The following ITCH variants were observed in gnomAD, a reference collection of about 807,000 sequenced individuals.
The protein encoded by ITCH is itchy E3 ubiquitin protein ligase.
ITCH carries 28 observed loss-of-function variants against 126.8 expected under a neutral mutation model. That is an observed-to-expected ratio of 0.22 (90% CI 0.16 to 0.30). ITCH has a LOEUF of 0.30. Among genes scored for constraint, ITCH ranks in the 10% least tolerant of loss-of-function variants. ITCH has a pLI of 1.00. For synonymous variants in ITCH, 342 were observed against 340.0 expected, an observed-to-expected ratio of 1.01 and a Z score of -0.06; for missense variants, 631 against 1,032.4, an observed-to-expected ratio of 0.61 and a Z score of 5.33.
In ITCH at chr20:34,476,423, C is replaced by G. The variant is rs944452678; in HGVS notation, c.1570-1349C>G. 7 of 1,235,994 alleles carry G rather than the reference C, an allele frequency of 5.7e-6. 1 individual carries two copies. Among genetic ancestry groups the G allele is most frequent in the Non-Finnish European group, 7.0e-6 (7 of 993,208 alleles). The allele number at this position is 1,235,994 out of a possible 1,614,324, so 76.6% of individuals were successfully genotyped here. A position where few individuals can be genotyped will look rare whatever the true frequency, so the allele number is the denominator to read the frequency against. The stretch of plus-strand genomic sequence containing the variant: ...TGCAGCCACCGGCCGGCCGGGTCGC[C>G]GAGGACCGCAGAAGCGGCGCGCAGC... On this transcript the variant is annotated intron_variant, in intron 16 of 24. Coordinates refer to ENST00000374864, the MANE Select transcript of ITCH (RefSeq NM_031483.7).
At chr20:34,372,116 C>A (rs1190982483) in intron 2 of ITCH, among the ~76,000 whole-genome samples, 1 of 151,714 alleles carries the variant, frequency 6.6e-6, no homozygotes, top group Admixed American at 6.6e-5. Flanking sequence ...ACCATCCTGA[C>A]TAACATGGTG....
chr20:34,457,412 C>T lies in ITCH; in HGVS notation c.1233C>T (p.Gly411=), dbSNP rs547183169. The T allele has an allele frequency of 2.5e-6, 4 of 1,613,626 alleles. No individual in the cohort carries two copies. The highest frequency in any genetic ancestry group is 1.7e-5 in the Admixed American group (1 of 60,012). ...PGWEKRTDSN[G]RVYFVNHNTR... ...AAGAGAAGAGAACAGACAGCAATGG[C>T]AGAGTATATTTCGTCAACCACAACA... Residue 411 remains glycine, a synonymous_variant, in exon 13 of 25, where the codon GGC becomes GGT. Coordinates refer to ENST00000374864, the MANE Select transcript of ITCH (RefSeq NM_031483.7).
At chr20:34,494,247 G>A (rs1316091607) in intron 23 of ITCH, among the ~76,000 whole-genome samples, 1 of 152,082 alleles carries the variant, frequency 6.6e-6, no homozygotes, top group African/African-American at 2.4e-5. Context: ...AAGAAAAGAT[G>A]GAATTAGTCT....
At chr20:34,475,824 C>T in intron 16 of ITCH, 1 of 706,594 alleles carries the variant, frequency 1.4e-6, no homozygotes, top group East Asian at 2.7e-5. Flanking sequence ...TAAAGCTAGT[C>T]ATAATACAGA....
intron 7 of ITCH, among the ~76,000 whole-genome samples, chr20:34,429,798 T>C (rs1320928707): frequency 1.6e-5 from 2 of 124,646 alleles, no homozygotes; most frequent in Non-Finnish European, 3.7e-5. Context: ...TACGATTGTT[T>C]TAAAAGATGT....
chr20:34,458,260 CTGT>C (rs912596625), intron 13 of ITCH, among the ~76,000 whole-genome samples: 6 of 152,208 alleles, frequency 3.9e-5, no homozygotes, highest in East Asian at 3.9e-4. Flanking sequence ...AAAAAATATT[CTGT>C]TGTTGTTGCA....
At chr20:34,417,276 T>C (rs755987586) in intron 6 of ITCH, 14 of 498,286 alleles carry the variant, frequency 2.8e-5, no homozygotes, top group South Asian at 2.3e-4. Context: ...TTGTATTTTT[T>C]AGTAGAGACA....
At chr20:34,488,389 G>T (rs528191421) in intron 20 of ITCH, among the ~76,000 whole-genome samples, 5 of 152,018 alleles carry the variant, frequency 3.3e-5, no homozygotes, top group Non-Finnish European at 4.4e-5. Flanking sequence ...TCCTCATGTC[G>T]TAGAGACAAA....
intron 14 of ITCH, among the ~76,000 whole-genome samples, chr20:34,464,426 A>G (rs1052105950): frequency 3.3e-5 from 5 of 150,546 alleles, no homozygotes; most frequent in South Asian, 4.2e-4. Context: ...TCCTGGGTTC[A>G]AGCTATTCTC....
intron 8 of ITCH, among the ~76,000 whole-genome samples, chr20:34,438,846 A>G (rs948202603): frequency 6.6e-6 from 1 of 152,228 alleles, no homozygotes; most frequent in Admixed American, 6.5e-5. Flanking sequence ...TCTACTGAGA[A>G]TGAAAATGAC....
intron 13 of ITCH, among the ~76,000 whole-genome samples, chr20:34,461,362 G>A (rs2146370821): frequency 6.6e-6 from 1 of 152,272 alleles, no homozygotes; most frequent in Non-Finnish European, 1.5e-5. Flanking sequence ...ATCAGTATAA[G>A]AGCAGGCCTA....
intron 13 of ITCH, among the ~76,000 whole-genome samples, 200 bp downstream of exon 13, chr20:34,457,674 T>G (rs995101632): frequency 6.6e-6 from 1 of 152,082 alleles, no homozygotes; most frequent in Admixed American, 6.5e-5. Context: ...GAAAAAACTT[T>G]AACTGGGCAT....
rs140391821 is a variant in ITCH at position 34,460,788 on chromosome 20, A to G, written c.1296-1305A>G. Among the ~76,000 whole-genome samples, 801 of 152,234 alleles carry G rather than the reference A, an allele frequency of 5.3e-3. 8 individuals are homozygous for G. The highest frequency in any genetic ancestry group is 0.018 in the African/African-American group (756 of 41,522). ...GTAATCCCAGTGCTTTGAGAGGCCAAAATAGGAGGATCACTTCCGGTCAGG... is the reference window on the plus strand; with the variant it reads ...GTAATCCCAGTGCTTTGAGAGGCCAGAATAGGAGGATCACTTCCGGTCAGG... On this transcript the variant is annotated intron_variant, in intron 13 of 24. Transcript: ENST00000374864.
chr20:34,449,339 A>G, intron 11 of ITCH, 72 bp from the exon 12 acceptor site: 1 of 882,398 alleles, frequency 1.1e-6, no homozygotes, highest in South Asian at 1.4e-5. Context: ...AAGGGAAATC[A>G]GAACTCATAA....
At chr20:34,461,793 G>A (rs1360486980) in intron 13 of ITCH, among the ~76,000 whole-genome samples, 1 of 151,378 alleles carries the variant, frequency 6.6e-6, no homozygotes, top group Non-Finnish European at 1.5e-5. Context: ...AGAGATGAAC[G>A]TGAAGATTTC....
intron 2 of ITCH, among the ~76,000 whole-genome samples, chr20:34,381,900 ACACT>A (rs1310170768): frequency 6.6e-6 from 1 of 151,906 alleles, no homozygotes; most frequent in African/African-American, 2.4e-5. Context: ...AATACTCAAA[ACACT>A]CAATTTCTCA....
chr20:34,456,207 T>C (rs1219600445), intron 12 of ITCH, among the ~76,000 whole-genome samples: 1 of 37,010 alleles, frequency 2.7e-5, no homozygotes, highest in African/African-American at 1.2e-4. Context: ...TATATATATA[T>C]ATATATATTT....
intron 3 of ITCH, among the ~76,000 whole-genome samples, chr20:34,396,126 C>T (rs945948941): frequency 3.3e-5 from 5 of 149,574 alleles, no homozygotes; most frequent in South Asian, 4.2e-4. Context: ...CTCCGCCTCC[C>T]GGGTTCAAGT....
intron 2 of ITCH, among the ~76,000 whole-genome samples, chr20:34,389,115 G>A (rs984535235): frequency 6.6e-6 from 1 of 151,974 alleles, no homozygotes; most frequent in Non-Finnish European, 1.5e-5. Flanking sequence ...CCATAGACTT[G>A]GGTTTCACAT....
Sources: allele counts gnomAD v4.1 joint callset (sites outside exome capture counted in the v4.1 genomes callset), GRCh38; gene constraint gnomAD v4.1.1; transcripts MANE v1.5; gene names NCBI Gene and HGNC (gene_info 2026-07-23, HGNC 2026-07-21).